Variants in HMBOX1 observed in about 807,000 individuals in gnomAD.
HMBOX1 encodes homeobox-containing protein 1.
HMBOX1 carries 14 observed loss-of-function variants against 54.5 expected under a neutral mutation model. The observed-to-expected ratio is 0.26, with a 90% confidence interval of 0.17 to 0.40. The LOEUF (loss-of-function observed/expected upper bound fraction) is 0.40. Ranked by LOEUF, HMBOX1 falls within the 10% of genes least tolerant of loss-of-function variation. The pLI is 1.00. For synonymous variants in HMBOX1, 160 were observed against 181.0 expected, an observed-to-expected ratio of 0.88 and a Z score of 0.93; for missense variants, 332 against 514.4, an observed-to-expected ratio of 0.65 and a Z score of 3.43.
chr8:28,944,003 A>G (rs1457036459), intron 1 of HMBOX1, among the ~76,000 whole-genome samples: 2 of 152,174 alleles, frequency 1.3e-5, no homozygotes, highest in Non-Finnish European at 2.9e-5. Flanking sequence ...ACTGTTGTAC[A>G]TACAGAGACA....
chr8:28,956,493 T>C (rs1303794922), intron 1 of HMBOX1, among the ~76,000 whole-genome samples: 3 of 152,068 alleles, frequency 2.0e-5, no homozygotes, highest in African/African-American at 7.2e-5. Context: ...ATTTTTTACA[T>C]ATAATGTAAG....
chr8:28,935,061 T>C (rs1820162083), intron 1 of HMBOX1, among the ~76,000 whole-genome samples: 3 of 151,926 alleles, frequency 2.0e-5, no homozygotes, highest in Non-Finnish European at 4.4e-5. Context: ...TAAGAATAAA[T>C]AGTAAATGTA....
intron 6 of HMBOX1, among the ~76,000 whole-genome samples, chr8:29,034,990 A>C (rs974765171): frequency 6.6e-6 from 1 of 152,366 alleles, no homozygotes; most frequent in South Asian, 2.1e-4. Flanking sequence ...AAGAAAAAGT[A>C]ATAAGTACCC....
chr8:29,018,617 A>G (rs553041401), intron 5 of HMBOX1, 143 bp from the exon 6 acceptor site: 1 of 760,586 alleles, frequency 1.3e-6, no homozygotes, highest in East Asian at 2.8e-5. Flanking sequence ...CAGGAATTTC[A>G]AAAGAAATTT....
At position 28,993,007 on chromosome 8, in the gene HMBOX1, AATAAGT is replaced by A. The variant is rs1247016569; in HGVS notation, c.586+12854_586+12859del. ...CAGAAATTTTATGCATTTATTAGCA[AATAAGT>A]ATGTCTATTGTCCTTTTATGCCAAA... is the stretch of plus-strand genomic sequence containing the variant. On this transcript the variant is annotated intron_variant, in intron 4 of 9. Transcript: ENST00000287701. 3.3e-5 allele frequency among the ~76,000 whole-genome samples: 5 copies of A among 151,500 alleles called. No homozygotes were observed. The South Asian group carries it at 8.4e-4, about 25-fold the overall frequency.
chr8:29,051,949 A>C lies in HMBOX1; in HGVS notation c.*794A>C. 1 of 204,728 alleles carries C rather than the reference A, an allele frequency of 4.9e-6. No individual in the cohort carries two copies. Among genetic ancestry groups the C allele is most frequent in the Non-Finnish European group, 1.0e-5 (1 of 100,212 alleles). 12.7% of individuals were successfully genotyped at this position (204,728 alleles called of 1,614,324 possible). Reference sequence around the variant, plus strand: ...CTTGAGAGCATTGGAAAAAAAAAATATGAGCTGAATGTCTAATGGATGCTA... The same window carrying C: ...CTTGAGAGCATTGGAAAAAAAAAATCTGAGCTGAATGTCTAATGGATGCTA... On this transcript the variant is annotated 3_prime_UTR_variant, in exon 10 of 10. Coordinates refer to ENST00000287701, the MANE Select transcript of HMBOX1 (RefSeq NM_001135726.3).
intron 1 of HMBOX1, among the ~76,000 whole-genome samples, chr8:28,956,968 A>G (rs1441829525): frequency 6.6e-6 from 1 of 152,186 alleles, no homozygotes; most frequent in Non-Finnish European, 1.5e-5. Context: ...CAGAATGGCC[A>G]TTATTAAAGT....
At chr8:28,951,217 C>T (rs1348289304) in intron 1 of HMBOX1, among the ~76,000 whole-genome samples, 1 of 152,224 alleles carries the variant, frequency 6.6e-6, no homozygotes, top group Non-Finnish European at 1.5e-5. Flanking sequence ...ACTGCACCCT[C>T]CACCTCCTGG....
Position 28,960,230 on chromosome 8 carries a change from G to A in HMBOX1, c.-57-3581G>A, listed in dbSNP as rs142070333. 5.4e-4 allele frequency among the ~76,000 whole-genome samples: 77 copies of A among 142,532 alleles called. No homozygotes were observed. In the East Asian group the frequency reaches 8.9e-3, roughly 16 times the overall value. 93.5% of individuals were successfully genotyped at this position (142,532 alleles called of 152,430 possible). On this transcript the variant is annotated intron_variant, in intron 1 of 9. Transcript: ENST00000287701. ...TTTTGACTTTTAAAAATGAGCCACCGTGCCTGGCCTGGATTTTTGTTATGA... is the reference window on the plus strand; with the variant it reads ...TTTTGACTTTTAAAAATGAGCCACCATGCCTGGCCTGGATTTTTGTTATGA...
chr8:29,050,186 T>C, intron 9 of HMBOX1: 1 of 977,076 alleles, frequency 1.0e-6, no homozygotes, highest in Non-Finnish European at 1.2e-6. Flanking sequence ...ATGTTTTGTT[T>C]GTTTTTTTCC....
intron 4 of HMBOX1, among the ~76,000 whole-genome samples, chr8:28,994,166 C>CAA (rs1491131473): frequency 9.8e-6 from 1 of 101,610 alleles, no homozygotes. Flanking sequence ...GACTCTCTCA[C>CAA]CAAAAAAAAA....
At position 28,978,564 on chromosome 8, in the gene HMBOX1, C is replaced by T. The variant is rs189128270; in HGVS notation, c.501-1507C>T. 1.6e-4 allele frequency among the ~76,000 whole-genome samples: 24 copies of T among 152,288 alleles called. No individual in the cohort carries two copies. In the East Asian group the frequency reaches 4.4e-3, roughly 28 times the overall value. ...TTGGGAGGCCAAGGCAGGAGGATCA[C>T]TTGAGGTTAGGAGTTCGAGACCAGC... On this transcript the variant is annotated intron_variant, in intron 3 of 9. Transcript: ENST00000287701.
intron 1 of HMBOX1, chr8:28,891,404 AT>A (rs1210273984): frequency 6.6e-6 from 1 of 152,208 alleles, no homozygotes; most frequent in East Asian, 1.9e-4. Context: ...GTTTCTTAAT[AT>A]TTTATTCCGG....
intron 1 of HMBOX1, among the ~76,000 whole-genome samples, chr8:28,930,371 G>A (rs1819282027): frequency 6.6e-6 from 1 of 152,094 alleles, no homozygotes; most frequent in African/African-American, 2.4e-5. Flanking sequence ...TTGCTGAACT[G>A]TCATAACTAG....
intron 4 of HMBOX1, among the ~76,000 whole-genome samples, chr8:28,987,509 A>AT: frequency 6.6e-6 from 1 of 152,300 alleles, no homozygotes; most frequent in South Asian, 2.1e-4. Flanking sequence ...AATATCATAA[A>AT]TATCATAAAT....
chr8:28,901,957 A>C (rs1813315203), intron 1 of HMBOX1, among the ~76,000 whole-genome samples: 1 of 152,198 alleles, frequency 6.6e-6, no homozygotes, highest in Non-Finnish European at 1.5e-5. Flanking sequence ...CTGTCTGAAG[A>C]GACATATCCC....
intron 1 of HMBOX1, among the ~76,000 whole-genome samples, chr8:28,930,769 A>G (rs1162047556): frequency 6.6e-6 from 1 of 152,164 alleles, no homozygotes; most frequent in Non-Finnish European, 1.5e-5. Flanking sequence ...TCAGAGTCTC[A>G]GTGATCATTC....
rs1284095333 is a variant in HMBOX1, at chr8:28,918,948, A to G, written c.-58+28270A>G. ...TGAAGACATCCAAATAACTATAGCA[A>G]CTTTTAAAGTATTTCTTTATACTAT... On this transcript the variant is annotated intron_variant, in intron 1 of 9. Coordinates refer to ENST00000287701, the MANE Select transcript of HMBOX1 (RefSeq NM_001135726.3). Among the ~76,000 whole-genome samples, 6 of 152,250 alleles carry G rather than the reference A, an allele frequency of 3.9e-5. No homozygotes were observed. The East Asian group carries it at 5.8e-4, about 15-fold the overall frequency.
intron 6 of HMBOX1, among the ~76,000 whole-genome samples, chr8:29,041,884 G>C (rs1193484182): frequency 6.6e-6 from 1 of 152,136 alleles, no homozygotes; most frequent in Non-Finnish European, 1.5e-5. Flanking sequence ...AGTGACTAGA[G>C]ATGTGCTTTA....
Sources: gnomAD v4.1 joint callset for allele counts (sites outside exome capture counted in the v4.1 genomes callset) on GRCh38, gnomAD v4.1.1 for gene constraint, MANE v1.5 for transcripts, NCBI Gene and HGNC (gene_info 2026-07-23, HGNC 2026-07-21) for gene names.